The following NRXN1 variants were observed in gnomAD, a reference collection of about 807,000 sequenced individuals.
NRXN1 encodes the protein neurexin 1.
A neutral mutation model predicts 150.9 loss-of-function variants in NRXN1; 39 were observed. The ratio of observed to expected loss-of-function variants is 0.26; its 90% CI spans 0.20 to 0.34. NRXN1 has a LOEUF of 0.34. NRXN1 is among the 10% of genes least tolerant of loss of function. The pLI, the probability that NRXN1 is intolerant of heterozygous loss-of-function variation, is 1.00. For synonymous variants in NRXN1, 924 were observed against 757.0 expected (o/e 1.22, Z -3.62); for missense variants, 1,815 against 1,949.9 (o/e 0.93, Z 1.30).
chr2:50,706,829 T>C (rs912773809), intron 5 of NRXN1, among the ~76,000 whole-genome samples: 5 of 151,676 alleles, frequency 3.3e-5, no homozygotes, highest in African/African-American at 1.2e-4. Context: ...TTTTTTTTGC[T>C]ACAAGGCAAG....
At chr2:50,687,058 A>G (rs1257779968) in intron 5 of NRXN1, among the ~76,000 whole-genome samples, 2 of 152,302 alleles carry the variant, frequency 1.3e-5, no homozygotes, top group South Asian at 2.1e-4. Flanking sequence ...GAAAGAGAAC[A>G]CATCTTTTAT....
chr2:50,109,117 G>C (rs1385341705), intron 18 of NRXN1, among the ~76,000 whole-genome samples: 1 of 152,112 alleles, frequency 6.6e-6, no homozygotes, highest in Non-Finnish European at 1.5e-5. Flanking sequence ...TATAGACTCT[G>C]TGTGATGGAT....
Position 50,583,373 on chromosome 2 carries a change from C to T in NRXN1, c.1321-30348G>A, listed in dbSNP as rs146968267. Among the ~76,000 whole-genome samples, 542 of 152,228 alleles carry T rather than the reference C, an allele frequency of 3.6e-3. 2 individuals carry two copies. The highest frequency in any genetic ancestry group is 0.012 in the African/African-American group (506 of 41,552). Reference sequence around the variant, plus strand: ...CCTTTTAACCTGATTAACCTACTCACCTTTCAGAACTCAGGTACATCAAAG... The same window carrying T: ...CCTTTTAACCTGATTAACCTACTCATCTTTCAGAACTCAGGTACATCAAAG... On this transcript the variant is annotated intron_variant, in intron 8 of 22. Transcript: ENST00000401669.
intron 5 of NRXN1, among the ~76,000 whole-genome samples, chr2:50,857,002 C>A (rs1048987532): frequency 9.2e-5 from 14 of 152,018 alleles, no homozygotes; most frequent in African/African-American, 2.9e-4. Context: ...CTATCAAGGG[C>A]CAGTATTCTA....
At chr2:50,891,711 C>T (rs995474160) in intron 5 of NRXN1, among the ~76,000 whole-genome samples, 2 of 152,034 alleles carry the variant, frequency 1.3e-5, no homozygotes, top group Non-Finnish European at 2.9e-5. Context: ...ACTTACTTTT[C>T]CTCAGATGAT....
chr2:50,543,641 A>T (rs1332370210), intron 9 of NRXN1, among the ~76,000 whole-genome samples: 1 of 152,154 alleles, frequency 6.6e-6, no homozygotes, highest in Non-Finnish European at 1.5e-5. Flanking sequence ...AAAACTTTTT[A>T]AAACAGCTCT....
intron 5 of NRXN1, among the ~76,000 whole-genome samples, chr2:50,883,994 CAT>C (rs897070699): frequency 6.6e-6 from 1 of 151,718 alleles, no homozygotes; most frequent in African/African-American, 2.4e-5. Context: ...TTGCTAAACA[CAT>C]GTGTGCACTG....
chr2:51,025,059 A>G lies in NRXN1; in HGVS notation c.772+2443T>C, dbSNP rs553543700. Among the ~76,000 whole-genome samples the G allele has an allele frequency of 3.3e-5, 5 of 152,304 alleles. No homozygotes were observed. In the South Asian group the frequency reaches 1.0e-3, roughly 32 times the overall value. Reference sequence around the variant, plus strand: ...TGACACACATGAAATAGGGAAAATAAGCAAAATGGAGCCAATCCTTCTAGG... The same window carrying G: ...TGACACACATGAAATAGGGAAAATAGGCAAAATGGAGCCAATCCTTCTAGG... On this transcript the variant is annotated intron_variant, in intron 2 of 22. Transcript: ENST00000401669.
chr2:50,011,224 C>A (rs565732822), intron 21 of NRXN1, among the ~76,000 whole-genome samples: 1 of 152,234 alleles, frequency 6.6e-6, no homozygotes, highest in African/African-American at 2.4e-5. Context: ...AGTCACTAAG[C>A]ATAGAAAGTC....
intron 19 of NRXN1, among the ~76,000 whole-genome samples, chr2:50,086,589 T>C (rs988518395): frequency 6.6e-6 from 1 of 152,204 alleles, no homozygotes; most frequent in Non-Finnish European, 1.5e-5. Flanking sequence ...ACTCGGCATT[T>C]TGAAAGTTAA....
chr2:49,994,437 T>C (rs1336786731), intron 21 of NRXN1, among the ~76,000 whole-genome samples: 1 of 152,194 alleles, frequency 6.6e-6, no homozygotes, highest in Non-Finnish European at 1.5e-5. Flanking sequence ...TAGTTTTAAT[T>C]CACAGATAAT....
chr2:50,092,983 T>G (rs575551989), intron 18 of NRXN1, among the ~76,000 whole-genome samples: 3 of 152,038 alleles, frequency 2.0e-5, no homozygotes, highest in South Asian at 2.1e-4. Flanking sequence ...TTAAATGAGA[T>G]TCTTTAAAAT....
intron 18 of NRXN1, among the ~76,000 whole-genome samples, chr2:50,232,461 A>T (rs1373750982): frequency 7.3e-6 from 1 of 137,478 alleles, no homozygotes; most frequent in East Asian, 2.1e-4. Flanking sequence ...ATCTCGGCTC[A>T]CTGCAACCTC....
intron 8 of NRXN1, among the ~76,000 whole-genome samples, chr2:50,577,820 C>T (rs1293396045): frequency 3.3e-5 from 5 of 151,832 alleles, no homozygotes; most frequent in Non-Finnish European, 7.4e-5. Flanking sequence ...TGTTGGGAAG[C>T]CCAAGTTTTT....
At chr2:50,280,773 G>A (rs1381538036) in intron 17 of NRXN1, among the ~76,000 whole-genome samples, 1 of 152,122 alleles carries the variant, frequency 6.6e-6, no homozygotes, top group Non-Finnish European at 1.5e-5. Flanking sequence ...GTCCAAAGTG[G>A]ACATAGGATG....
At chr2:50,708,769 C>T (rs533676828) in intron 5 of NRXN1, among the ~76,000 whole-genome samples, 1 of 152,204 alleles carries the variant, frequency 6.6e-6, no homozygotes, top group South Asian at 2.1e-4. Context: ...TCTAGCTGTG[C>T]ATCCTTTTCC....
chr2:49,951,332 T>G (rs1673921500), intron 21 of NRXN1, among the ~76,000 whole-genome samples: 1 of 152,002 alleles, frequency 6.6e-6, no homozygotes, highest in Admixed American at 6.6e-5. Flanking sequence ...AATTTATGTT[T>G]AAAAAATATG....
intron 5 of NRXN1, among the ~76,000 whole-genome samples, chr2:50,700,112 C>G (rs1026807394): frequency 9.9e-5 from 15 of 152,148 alleles, no homozygotes; most frequent in African/African-American, 3.6e-4. Context: ...ATAAAGGACT[C>G]TTTGCAAGGT....
intron 5 of NRXN1, among the ~76,000 whole-genome samples, chr2:50,854,022 T>C (rs1038029966): frequency 3.3e-5 from 5 of 152,104 alleles, no homozygotes; most frequent in African/African-American, 1.2e-4. Context: ...TTAATTTAAA[T>C]GATAACTACA....
Sources: allele counts gnomAD v4.1 joint callset (sites outside exome capture counted in the v4.1 genomes callset), GRCh38; gene constraint gnomAD v4.1.1; transcripts MANE v1.5; gene names NCBI Gene and HGNC (gene_info 2026-07-23, HGNC 2026-07-21).